The following TTBK2 variants were observed in gnomAD, a reference collection of about 807,000 sequenced individuals.
TTBK2 encodes the protein tau tubulin kinase 2, also known as tau-tubulin kinase 2.
Under a neutral mutation model 110.8 loss-of-function variants are expected in TTBK2, and 28 were observed. That is an observed-to-expected ratio of 0.25 (90% CI 0.19 to 0.35). TTBK2 has a LOEUF of 0.35. Ranked by LOEUF, TTBK2 falls within the 10% of genes least tolerant of loss-of-function variation. The pLI is 1.00. For synonymous variants in TTBK2, 532 were observed against 527.3 expected, an observed-to-expected ratio of 1.01 and a Z score of -0.12; for missense variants, 1,369 against 1,500.3, an observed-to-expected ratio of 0.91 and a Z score of 1.45.
intron 3 of TTBK2, among the ~76,000 whole-genome samples, chr15:42,846,141 C>A (rs990042886): frequency 6.6e-6 from 1 of 150,726 alleles, no homozygotes; most frequent in African/African-American, 2.4e-5. Flanking sequence ...AAAAAAAAGT[C>A]TATACATATT....
At chr15:42,799,584 C>A (rs2140887359) in intron 9 of TTBK2, among the ~76,000 whole-genome samples, 1 of 152,122 alleles carries the variant, frequency 6.6e-6, no homozygotes, top group Non-Finnish European at 1.5e-5. Flanking sequence ...AGACATGTGC[C>A]ACCACGCCCA....
chr15:42,899,180 G>T (rs1391957219), intron 1 of TTBK2, among the ~76,000 whole-genome samples: 1 of 150,158 alleles, frequency 6.7e-6, no homozygotes, highest in Non-Finnish European at 1.5e-5. Context: ...ATTTTTTTTT[G>T]TAGAGATGGG....
At chr15:42,809,343 T>C (rs10220726) in intron 9 of TTBK2, among the ~76,000 whole-genome samples, 3,407 of 152,350 alleles carry the variant, frequency 0.022, 113 homozygotes, top group African/African-American at 0.069. Flanking sequence ...CAATAATTTG[T>C]TAGTTTAAAA....
chr15:42,752,240 C>T lies in TTBK2; in HGVS notation c.3006G>A (p.Leu1002=). 1 of 1,614,036 alleles carries T rather than the reference C, an allele frequency of 6.2e-7. No individual in the cohort carries two copies. Residue 1002 remains leucine, a synonymous_variant, in exon 14 of 15, where the codon TTG becomes TTA. Transcript: ENST00000267890. ...GAACAGTAGCTAGTTTCTCCTCTAG[C>T]AATTTATCAGAGGCACTTGAGAGGT... ...LGDLSSASDK[L]LEEKLATVPA...
At chr15:42,751,763 G>T (rs948228519) in intron 14 of TTBK2, among the ~76,000 whole-genome samples, 3 of 152,088 alleles carry the variant, frequency 2.0e-5, no homozygotes, top group Non-Finnish European at 4.4e-5. Flanking sequence ...CGAAACAAAA[G>T]ATGCTAAATT....
rs141329257 is a variant in TTBK2 at position 42,894,804 on chromosome 15, A to C, written c.-67-16120T>G. Among the ~76,000 whole-genome samples the C allele has an allele frequency of 1.8e-4, 27 of 152,270 alleles. 1 individual carries two copies. The East Asian group carries it at 5.0e-3, about 28-fold the overall frequency. ...CATATCCCTTATAAACACAAACATG[A>C]AAATTCCTCATAAAGTAGTAGCAAA... On this transcript the variant is annotated intron_variant, in intron 1 of 14. Transcript: ENST00000267890.
intron 3 of TTBK2, among the ~76,000 whole-genome samples, chr15:42,850,781 T>C (rs1460446751): frequency 3.3e-5 from 5 of 152,310 alleles, no homozygotes; most frequent in Admixed American, 6.5e-5. Flanking sequence ...AATTGTACTT[T>C]GCTTCTTGTC....
At chr15:42,821,694 TTTG>T (rs1567043762) in intron 6 of TTBK2, among the ~76,000 whole-genome samples, 1 of 128,202 alleles carries the variant, frequency 7.8e-6, no homozygotes, top group African/African-American at 3.5e-5. Context: ...TTGTTTTTTT[TTTG>T]TTTTTTTTTT....
At chr15:42,815,138 T>C (rs570148751) in intron 7 of TTBK2, among the ~76,000 whole-genome samples, 2 of 152,114 alleles carry the variant, frequency 1.3e-5, no homozygotes, top group Non-Finnish European at 2.9e-5. Flanking sequence ...TTCTAAACTT[T>C]TGTAAGAATC....
At chr15:42,832,388 A>G (rs895321403) in intron 4 of TTBK2, among the ~76,000 whole-genome samples, 1 of 152,248 alleles carries the variant, frequency 6.6e-6, no homozygotes, top group African/African-American at 2.4e-5. Flanking sequence ...TAAGCCTAAC[A>G]TATCAACTCA....
intron 14 of TTBK2, among the ~76,000 whole-genome samples, chr15:42,746,983 T>C (rs931164743): frequency 6.7e-6 from 1 of 149,854 alleles, no homozygotes; most frequent in Non-Finnish European, 1.5e-5. Context: ...TTTTTTTTTT[T>C]AAACAGGGTC....
At chr15:42,798,812 G>C (rs750675613) in intron 9 of TTBK2, among the ~76,000 whole-genome samples, 1 of 152,192 alleles carries the variant, frequency 6.6e-6, no homozygotes, top group African/African-American at 2.4e-5. Flanking sequence ...TCTGTAAATG[G>C]ATGTAGGGAA....
intron 3 of TTBK2, among the ~76,000 whole-genome samples, chr15:42,849,963 A>G (rs1465708876): frequency 6.6e-6 from 1 of 152,080 alleles, no homozygotes; most frequent in African/African-American, 2.4e-5. Flanking sequence ...GGCTTTACTA[A>G]CACCACTCTG....
chr15:42,867,709 A>G (rs1894431047), intron 3 of TTBK2, among the ~76,000 whole-genome samples: 1 of 152,248 alleles, frequency 6.6e-6, no homozygotes, highest in Admixed American at 6.5e-5. Flanking sequence ...GTGGAACAAC[A>G]GGAACTCTCA....
At chr15:42,826,642 T>C (rs1892545946) in intron 6 of TTBK2, among the ~76,000 whole-genome samples, 1 of 152,216 alleles carries the variant, frequency 6.6e-6, no homozygotes, top group Non-Finnish European at 1.5e-5. Flanking sequence ...GCTGTTTCTG[T>C]ACCTCAAATT....
chr15:42,782,224 A>G (rs1425688885), intron 11 of TTBK2, among the ~76,000 whole-genome samples: 1 of 152,124 alleles, frequency 6.6e-6, no homozygotes, highest in African/African-American at 2.4e-5. Flanking sequence ...GGCACCCACC[A>G]CCAAACCCTG....
intron 1 of TTBK2, among the ~76,000 whole-genome samples, chr15:42,900,945 G>C (rs1180677521): frequency 6.6e-6 from 1 of 152,102 alleles, no homozygotes; most frequent in Non-Finnish European, 1.5e-5. Context: ...TTCAACAAAT[G>C]ATGTTGGGGA....
chr15:42,901,139 T>TC (rs1434688737), intron 1 of TTBK2, among the ~76,000 whole-genome samples: 2 of 152,120 alleles, frequency 1.3e-5, no homozygotes, highest in Admixed American at 6.5e-5. Context: ...GGCAGGTGGA[T>TC]CACCTGAGGT....
At chr15:42,892,267 T>C (rs541682763) in intron 1 of TTBK2, among the ~76,000 whole-genome samples, 2 of 152,340 alleles carry the variant, frequency 1.3e-5, no homozygotes, top group Admixed American at 6.5e-5. Context: ...CTGATTTTTA[T>C]ATAAATAACA....
Sources: gnomAD v4.1 joint callset for allele counts (sites outside exome capture counted in the v4.1 genomes callset) on GRCh38, gnomAD v4.1.1 for gene constraint, MANE v1.5 for transcripts, NCBI Gene and HGNC (gene_info 2026-07-23, HGNC 2026-07-21) for gene names.